The following PIP5K1A variants were observed in gnomAD, a reference collection of about 807,000 sequenced individuals.
The protein encoded by PIP5K1A is phosphatidylinositol 4-phosphate 5-kinase type-1 alpha.
A neutral mutation model predicts 72.9 loss-of-function variants in PIP5K1A; 46 were observed. The ratio of observed to expected loss-of-function variants is 0.63; its 90% CI spans 0.50 to 0.81. The LOEUF (loss-of-function observed/expected upper bound fraction) is 0.81. PIP5K1A is among the 30% of genes least tolerant of loss of function. PIP5K1A has a pLI of 0.00. For synonymous variants in PIP5K1A, 228 were observed against 255.1 expected (o/e 0.89, Z 1.01); for missense variants, 458 against 706.1 (o/e 0.65, Z 3.98).
chr1:151,213,565 T>C (rs1278017302), intron 1 of PIP5K1A: 2 of 152,208 alleles, frequency 1.3e-5, no homozygotes, highest in Non-Finnish European at 2.9e-5. Flanking sequence ...TCAGGTTTTA[T>C]AGTCATCTGA....
At chr1:151,236,153 T>C (rs587743933) in intron 8 of PIP5K1A, among the ~76,000 whole-genome samples, 1 of 148,226 alleles carries the variant, frequency 6.7e-6, no homozygotes, top group East Asian at 2.0e-4. Flanking sequence ...GCCTTACAGG[T>C]TCACTGTAAG....
At position 151,233,286 on chromosome 1, in the gene PIP5K1A, G is replaced by C. The variant is rs930214775; in HGVS notation, c.639+583G>C. 3.3e-5 allele frequency: 5 copies of C among 151,928 alleles called. No homozygotes were observed. The East Asian group carries it at 7.8e-4, about 24-fold the overall frequency. 9.4% of individuals were successfully genotyped at this position (151,928 alleles called of 1,614,324 possible). A position where few individuals can be genotyped will look rare whatever the true frequency, so the allele number is the denominator to read the frequency against. ...CTAAAGGCACGCACCACCACACCTG[G>C]CTAATTTTTATAAACTTATTTTCTT... On this transcript the variant is annotated intron_variant, in intron 7 of 15. Coordinates refer to ENST00000368888, the MANE Select transcript of PIP5K1A (RefSeq NM_001135638.2).
In PIP5K1A at chr1:151,239,243, C is replaced by CA. The variant is rs377576830; in HGVS notation, c.1278+66dup. On this transcript the variant is annotated intron_variant, in intron 11 of 15. Coordinates refer to ENST00000368888, the MANE Select transcript of PIP5K1A (RefSeq NM_001135638.2). ...TGCCTCCATCACTTCTGATTGGCCTCAGTTTCTTGCAATTTTTTCTTTTTT... is the reference window on the plus strand; with the variant it reads ...TGCCTCCATCACTTCTGATTGGCCTCAAGTTTCTTGCAATTTTTTCTTTTTT... 29 of 987,360 alleles carry CA rather than the reference C, an allele frequency of 2.9e-5. No individual in the cohort carries two copies. The African/African-American group carries it at 4.7e-4, about 16-fold the overall frequency. The allele number at this position is 987,360 out of a possible 1,614,324, so 61.2% of individuals were successfully genotyped here.
At chr1:151,199,158 C>G (rs1452345733) in intron 1 of PIP5K1A, 77 bp downstream of exon 1, 1 of 1,607,444 alleles carries the variant, frequency 6.2e-7, no homozygotes, top group Admixed American at 1.7e-5. Context: ...AAGAGGGTAC[C>G]TGTAGCTGGG....
At chr1:151,225,057 A>G (rs1007977954) in intron 3 of PIP5K1A, among the ~76,000 whole-genome samples, 4 of 152,232 alleles carry the variant, frequency 2.6e-5, no homozygotes, top group Non-Finnish European at 4.4e-5. Context: ...ACATCCAGCC[A>G]GTCACGGTTG....
At chr1:151,218,319 TA>T (rs1687922911) in intron 1 of PIP5K1A, among the ~76,000 whole-genome samples, 1 of 152,190 alleles carries the variant, frequency 6.6e-6, no homozygotes, top group South Asian at 2.1e-4. Context: ...ACAGTGTTGT[TA>T]ATTTCCTTGA....
intron 1 of PIP5K1A, 31 bp from the exon 2 acceptor site, chr1:151,224,214 A>G (rs758310884): frequency 1.2e-6 from 2 of 1,600,216 alleles, no homozygotes; most frequent in East Asian, 2.2e-5. Context: ...TGTGTGATAC[A>G]CTCTTATGAT....
At chr1:151,195,781 C>T (rs1684539414), upstream of PIP5K1A, among the ~76,000 whole-genome samples, 1 of 149,648 alleles carries the variant, frequency 6.7e-6, no homozygotes, top group South Asian at 2.1e-4. Context: ...CAGATTAGCT[C>T]ACAGGGAGAA....
At chr1:151,226,253 A>G (rs1689109499) in intron 3 of PIP5K1A, among the ~76,000 whole-genome samples, 1 of 151,594 alleles carries the variant, frequency 6.6e-6, no homozygotes, top group Admixed American at 6.6e-5. Context: ...CGCCTGGGTA[A>G]TTTTTGTGTT....
chr1:151,200,698 C>G (rs1460442260), intron 1 of PIP5K1A, among the ~76,000 whole-genome samples: 3 of 151,958 alleles, frequency 2.0e-5, no homozygotes, highest in Non-Finnish European at 4.4e-5. Context: ...TAATAAATCT[C>G]TATTTTTAGT....
In PIP5K1A at chr1:151,221,923, G is replaced by A. The variant is rs76980132; in HGVS notation, c.86-2322G>A. On this transcript the variant is annotated intron_variant, in intron 1 of 15. Transcript: ENST00000368888. ...CTCATATCTACAAAAAAGAATAATA[G>A]CAAAAAAAGCAAAATCAGCTGGGCA... Among the ~76,000 whole-genome samples the A allele has an allele frequency of 4.5e-3, 680 of 151,782 alleles. 5 individuals are homozygous for A. The highest frequency in any genetic ancestry group is 0.016 in the African/African-American group (645 of 41,400).
Position 151,242,145 on chromosome 1 carries a change from GT to G in PIP5K1A, c.1389del (p.Arg464GlyfsTer32). ...IPLKPSPSKK[F>X]RSGSSFSRRA... ...AAGTGAAGCCTTCTCCTTCCAAAAA[GT>G]TTCGGTCTGGCTCATCTTTCTCTCG... On this transcript the variant is annotated frameshift_variant, in exon 13 of 16. Coordinates refer to ENST00000368888, the MANE Select transcript of PIP5K1A (RefSeq NM_001135638.2). LOFTEE classifies it high-confidence loss of function. 1 of 1,614,154 alleles carries G rather than the reference GT, an allele frequency of 6.2e-7. No individual in the cohort carries two copies. Among genetic ancestry groups the G allele is most frequent in the Non-Finnish European group, 8.5e-7 (1 of 1,180,034 alleles).
At chr1:151,231,568 A>C (rs587730061) in intron 4 of PIP5K1A, 103 bp from the exon 5 acceptor site, 1 of 969,138 alleles carries the variant, frequency 1.0e-6, no homozygotes, top group East Asian at 2.5e-5. Flanking sequence ...AGACTAAAGG[A>C]TGTTTGTTTT....
intron 8 of PIP5K1A, 130 bp downstream of exon 8, chr1:151,234,626 T>C: frequency 2.9e-6 from 2 of 690,270 alleles, no homozygotes; most frequent in Non-Finnish European, 5.0e-6. Flanking sequence ...TTAAAATAAG[T>C]CTTAATTAGT....
chr1:151,218,999 C>A (rs191067364), intron 1 of PIP5K1A, among the ~76,000 whole-genome samples: 2 of 152,062 alleles, frequency 1.3e-5, no homozygotes, highest in Non-Finnish European at 1.5e-5. Flanking sequence ...AGGGATTAGA[C>A]TAAAAATTAG....
At chr1:151,243,317 A>G (rs962537607) in intron 14 of PIP5K1A, among the ~76,000 whole-genome samples, 2 of 152,184 alleles carry the variant, frequency 1.3e-5, no homozygotes, top group East Asian at 3.8e-4. Context: ...GTCCGGTTGG[A>G]TGAGCCCCCC....
At chr1:151,214,049 TTA>T (rs987677248) in intron 1 of PIP5K1A, among the ~76,000 whole-genome samples, 6 of 152,134 alleles carry the variant, frequency 3.9e-5, no homozygotes, top group African/African-American at 9.6e-5. Flanking sequence ...AAAAATTGTA[TTA>T]TATAATTTTT....
At chr1:151,238,484 G>A (rs1344123262) in intron 10 of PIP5K1A, 3 of 514,106 alleles carry the variant, frequency 5.8e-6, no homozygotes, top group East Asian at 3.5e-5. Flanking sequence ...CAGACATAAT[G>A]TATACCTTCT....
chr1:151,239,867 A>G, intron 11 of PIP5K1A, 88 bp from the exon 12 acceptor site: 2 of 891,374 alleles, frequency 2.2e-6, no homozygotes, highest in Non-Finnish European at 1.9e-6. Flanking sequence ...CCCTTCTGCT[A>G]GGGGCTCAGT....
Sources: gnomAD v4.1 joint callset for allele counts (sites outside exome capture counted in the v4.1 genomes callset) on GRCh38, gnomAD v4.1.1 for gene constraint, MANE v1.5 for transcripts, NCBI Gene and HGNC (gene_info 2026-07-23, HGNC 2026-07-21) for gene names.